Variants in OR1B1 observed in about 807,000 individuals in gnomAD.
OR1B1 encodes the protein olfactory receptor family 1 subfamily B member 1, also known as olfactory receptor 1B1.
For missense variants in OR1B1, 414 were observed against 402.1 expected, an observed-to-expected ratio of 1.03 and a Z score of -0.25; for synonymous variants, 168 against 156.2, an observed-to-expected ratio of 1.08 and a Z score of -0.57.
upstream of OR1B1, among the ~76,000 whole-genome samples, chr9:122,631,899 T>A (rs1316105856): frequency 6.6e-6 from 1 of 152,084 alleles, no homozygotes; most frequent in East Asian, 2.0e-4. Flanking sequence ...TCCATGGGAA[T>A]GCAGTTATGG....
the OR1B1 span, among the ~76,000 whole-genome samples, chr9:122,647,795 C>T: frequency 6.6e-6 from 1 of 152,184 alleles, no homozygotes; most frequent in Non-Finnish European, 1.5e-5. Context: ...CACTGACTAG[C>T]ATGATGCCCA....
the OR1B1 span, among the ~76,000 whole-genome samples, chr9:122,656,787 C>G: frequency 1.3e-5 from 2 of 152,170 alleles, no homozygotes; most frequent in Non-Finnish European, 2.9e-5. Context: ...TAAACCCAAA[C>G]AGTACTAAAT....
chr9:122,653,107 G>A, the OR1B1 span, among the ~76,000 whole-genome samples: 1 of 152,194 alleles, frequency 6.6e-6, no homozygotes, highest in African/African-American at 2.4e-5. Flanking sequence ...TGACCAAGAT[G>A]AAAAGGGACA....
chr9:122,642,296 G>T, the OR1B1 span, among the ~76,000 whole-genome samples: 1 of 152,122 alleles, frequency 6.6e-6, no homozygotes, highest in Non-Finnish European at 1.5e-5. Flanking sequence ...ATTTGTCAGG[G>T]AAAAACAGGA....
upstream of OR1B1, among the ~76,000 whole-genome samples, chr9:122,630,694 GT>G (rs869173591): frequency 7.4e-6 from 1 of 135,602 alleles, no homozygotes; most frequent in African/African-American, 2.5e-5. Flanking sequence ...CCTATCCAGG[GT>G]TTTTTTGTTT....
chr9:122,629,600 G>A (rs1394801770), upstream of OR1B1: 3 of 965,820 alleles, frequency 3.1e-6, no homozygotes. Flanking sequence ...TCTGATGTTA[G>A]GGATCATAGC....
the OR1B1 span, among the ~76,000 whole-genome samples, chr9:122,650,892 G>A: frequency 6.6e-6 from 1 of 152,006 alleles, no homozygotes; most frequent in East Asian, 1.9e-4. Context: ...GGGCATGGTG[G>A]CGGGCCCCTG....
the OR1B1 span, among the ~76,000 whole-genome samples, chr9:122,647,831 T>G: frequency 6.6e-6 from 1 of 152,224 alleles, no homozygotes; most frequent in Non-Finnish European, 1.5e-5. Flanking sequence ...AAAGAATGGC[T>G]GAATAAATGG....
the OR1B1 span, among the ~76,000 whole-genome samples, chr9:122,649,927 C>T: frequency 1.3e-5 from 2 of 152,086 alleles, no homozygotes. Flanking sequence ...GTAAATCATT[C>T]TACTAAAGAC....
At chr9:122,634,345 A>C (rs1250848471), upstream of OR1B1, among the ~76,000 whole-genome samples, 2 of 151,946 alleles carry the variant, frequency 1.3e-5, no homozygotes, top group Non-Finnish European at 2.9e-5. Context: ...CAAAAAAAAA[A>C]AAAAGAAAAG....
At chr9:122,656,447 T>C in the OR1B1 span, among the ~76,000 whole-genome samples, 3,776 of 152,124 alleles carry the variant, frequency 0.025, 157 homozygotes, top group East Asian at 0.19. Flanking sequence ...AATAGGTTAA[T>C]GCTGTTATTG....
chr9:122,650,274 C>T, the OR1B1 span, among the ~76,000 whole-genome samples: 1 of 151,948 alleles, frequency 6.6e-6, no homozygotes, highest in African/African-American at 2.4e-5. Context: ...GAGGAGGGCT[C>T]GCATTAGGAG....
upstream of OR1B1, among the ~76,000 whole-genome samples, chr9:122,634,180 T>G (rs1400671543): frequency 3.3e-5 from 5 of 151,178 alleles, no homozygotes; most frequent in African/African-American, 1.2e-4. Context: ...TTACTGAAAG[T>G]ACAAAATTAG....
At chr9:122,633,214 A>G (rs575677746), upstream of OR1B1, among the ~76,000 whole-genome samples, 17 of 152,298 alleles carry the variant, frequency 1.1e-4, no homozygotes, top group Admixed American at 1.0e-3. Flanking sequence ...CCCATTATAT[A>G]TCAAATAAGT....
At chr9:122,629,063 G>T in exon 1 of OR1B1, 1 of 1,613,960 alleles carries the variant, frequency 6.2e-7, no homozygotes, top group Admixed American at 1.7e-5. Flanking sequence ...ACGCAACATG[G>T]TGTGCAGTAT....
At chr9:122,633,147 G>A (rs747576260), upstream of OR1B1, among the ~76,000 whole-genome samples, 2 of 152,092 alleles carry the variant, frequency 1.3e-5, no homozygotes, top group African/African-American at 2.4e-5. Flanking sequence ...AGATTTGGGT[G>A]GGGACACAGC....
chr9:122,642,677 C>T, the OR1B1 span, among the ~76,000 whole-genome samples: 1 of 152,112 alleles, frequency 6.6e-6, no homozygotes, highest in Non-Finnish European at 1.5e-5. Flanking sequence ...TCAATCAATG[C>T]CCAGGTACCC....
At chr9:122,629,516 T>C in exon 1 of OR1B1, 2 of 1,608,116 alleles carry the variant, frequency 1.2e-6, no homozygotes, top group Non-Finnish European at 8.5e-7. Flanking sequence ...GTGTGAAGCA[T>C]TAGGGGCAAA....
upstream of OR1B1, among the ~76,000 whole-genome samples, chr9:122,631,994 A>C (rs746188545): frequency 6.6e-6 from 1 of 152,066 alleles, no homozygotes; most frequent in African/African-American, 2.4e-5. Context: ...TCAACATAAA[A>C]ATTATCTTCA....
Sources: gnomAD v4.1 joint callset for allele counts (sites outside exome capture counted in the v4.1 genomes callset) on GRCh38, gnomAD v4.1.1 for gene constraint, MANE v1.5 for transcripts, NCBI Gene and HGNC (gene_info 2026-07-23, HGNC 2026-07-21) for gene names.